The following CAST variants were observed in gnomAD, a reference collection of about 807,000 sequenced individuals.
The protein encoded by CAST is calpastatin, also known as MIR583 host.
In CAST, 76 loss-of-function variants were observed where a neutral mutation model predicts 119.6. The ratio of observed to expected loss-of-function variants is 0.64; its 90% CI spans 0.53 to 0.77. CAST has a LOEUF of 0.77. CAST is among the 30% of genes least tolerant of loss of function. The pLI, the probability that CAST is intolerant of heterozygous loss-of-function variation, is 0.00. For synonymous variants in CAST, 319 were observed against 331.6 expected (o/e 0.96, Z 0.41); for missense variants, 953 against 946.5 (o/e 1.01, Z -0.09).
intron 1 of CAST, among the ~76,000 whole-genome samples, chr5:96,549,728 C>T (rs1746090049): frequency 6.6e-6 from 1 of 152,266 alleles, no homozygotes; most frequent in South Asian, 2.1e-4. Context: ...AATTGGCAGA[C>T]CAGGATATCC....
At chr5:96,693,690 C>A (rs1157056651) in intron 2 of CAST, among the ~76,000 whole-genome samples, 1 of 152,222 alleles carries the variant, frequency 6.6e-6, no homozygotes, top group East Asian at 1.9e-4. Flanking sequence ...GTCTTTTACA[C>A]AGAATCCATT....
intron 3 of CAST, among the ~76,000 whole-genome samples, chr5:96,701,898 A>G (rs1753951454): frequency 6.6e-6 from 1 of 152,096 alleles, no homozygotes; most frequent in Non-Finnish European, 1.5e-5. Context: ...TAGATTTTTG[A>G]CAGAAATAAA....
chr5:96,010,457 G>A, the CAST span, among the ~76,000 whole-genome samples: 4 of 152,076 alleles, frequency 2.6e-5, no homozygotes, highest in Non-Finnish European at 4.4e-5. Flanking sequence ...GATTACAGCT[G>A]TCCACCACCA....
chr5:96,558,400 A>G (rs569848029), intron 1 of CAST, among the ~76,000 whole-genome samples: 1 of 152,154 alleles, frequency 6.6e-6, no homozygotes, highest in Non-Finnish European at 1.5e-5. Flanking sequence ...ACCCTTCAAA[A>G]AAATCAGTGA....
At chr5:96,209,958 A>T in the CAST span, among the ~76,000 whole-genome samples, 28 of 151,808 alleles carry the variant, frequency 1.8e-4, no homozygotes, top group South Asian at 5.6e-3. Context: ...TCTTTCAGGG[A>T]TGCCAATGAG....
chr5:96,758,451 A>G (rs1213404940), intron 24 of CAST, among the ~76,000 whole-genome samples: 2 of 152,176 alleles, frequency 1.3e-5, no homozygotes, highest in Admixed American at 6.5e-5. Flanking sequence ...CAAACTTAAT[A>G]ACTGCAGAAC....
rs1242053076 is a variant in CAST, at chr5:96,557,613, A to T, written c.60+27733A>T. On this transcript the variant is annotated intron_variant, in intron 1 of 11. Coordinates refer to the CAST transcript ENST00000505143. ...AACAAAGATCAAAAGAGACAAGGCC[A>T]TTACATAATGGTAAAGGGATCAATT... 3.9e-5 allele frequency among the ~76,000 whole-genome samples: 6 copies of T among 152,232 alleles called. No homozygotes were observed. The South Asian group carries it at 1.2e-3, about 32-fold the overall frequency.
intron 3 of CAST, among the ~76,000 whole-genome samples, chr5:96,705,549 A>G (rs915977680): frequency 3.9e-5 from 6 of 152,146 alleles, no homozygotes; most frequent in African/African-American, 4.8e-5. Flanking sequence ...CCCATGTGCT[A>G]TAGTACTCTA....
chr5:96,114,483 G>A, the CAST span, among the ~76,000 whole-genome samples: 5,970 of 152,236 alleles, frequency 0.039, 255 homozygotes, highest in African/African-American at 0.1. Context: ...TAGGAAACTC[G>A]TGAAAAGGTT....
chr5:96,407,098 A>G, the CAST span, among the ~76,000 whole-genome samples: 5 of 152,230 alleles, frequency 3.3e-5, no homozygotes, highest in African/African-American at 1.2e-4. Flanking sequence ...CATATAATTA[A>G]TGTTTATCTA....
At chr5:96,239,747 A>T in the CAST span, among the ~76,000 whole-genome samples, 2 of 151,658 alleles carry the variant, frequency 1.3e-5, no homozygotes. Flanking sequence ...TTATAATATT[A>T]TTTCTCTCAT....
At chr5:96,030,650 G>A in the CAST span, among the ~76,000 whole-genome samples, 2 of 152,096 alleles carry the variant, frequency 1.3e-5, no homozygotes, top group Non-Finnish European at 2.9e-5. Flanking sequence ...AGGGTAAGGG[G>A]GAAGAGGTTA....
chr5:96,424,970 AAAGAAAGATAG>A, the CAST span, among the ~76,000 whole-genome samples: 1 of 148,480 alleles, frequency 6.7e-6, no homozygotes, highest in African/African-American at 2.6e-5. Context: ...TCAAAAAAAA[AAAGAAAGATAG>A]AAAGAAAGAA....
the CAST span, among the ~76,000 whole-genome samples, chr5:96,428,347 AC>A: frequency 6.6e-6 from 1 of 152,174 alleles, no homozygotes; most frequent in Non-Finnish European, 1.5e-5. Flanking sequence ...GTCCTAGGTA[AC>A]AAAAATTATG....
intron 1 of CAST, among the ~76,000 whole-genome samples, chr5:96,640,679 G>A (rs188826291): frequency 7.2e-5 from 11 of 152,324 alleles, no homozygotes; most frequent in Non-Finnish European, 1.3e-4. Context: ...CAACCCTGCG[G>A]GGAGTTATGG....
chr5:96,272,974 G>T, the CAST span, among the ~76,000 whole-genome samples: 2 of 152,152 alleles, frequency 1.3e-5, no homozygotes, highest in Non-Finnish European at 2.9e-5. Flanking sequence ...ATGTGAACAG[G>T]TTCAAGGAAA....
At chr5:96,400,854 G>A in the CAST span, among the ~76,000 whole-genome samples, 2 of 123,914 alleles carry the variant, frequency 1.6e-5, no homozygotes, top group Admixed American at 7.4e-5. Flanking sequence ...TTGGGAGGCC[G>A]AGGCGGGCGG....
At chr5:96,094,211 T>G in the CAST span, among the ~76,000 whole-genome samples, 3 of 152,246 alleles carry the variant, frequency 2.0e-5, no homozygotes, top group Non-Finnish European at 4.4e-5. Flanking sequence ...ATTACTTACC[T>G]AGAATGTTTG....
chr5:96,377,197 A>T, the CAST span, among the ~76,000 whole-genome samples: 1 of 151,938 alleles, frequency 6.6e-6, no homozygotes, highest in South Asian at 2.1e-4. Context: ...TTAAAAAATT[A>T]AATTTATAAA....
Sources: allele counts gnomAD v4.1 joint callset (sites outside exome capture counted in the v4.1 genomes callset), GRCh38; gene constraint gnomAD v4.1.1; transcripts MANE v1.5; gene names NCBI Gene and HGNC (gene_info 2026-07-23, HGNC 2026-07-21).